The following KNTC1 variants were observed in gnomAD, a reference collection of about 807,000 sequenced individuals.
KNTC1 encodes kinetochore-associated protein 1.
KNTC1 carries 253 observed loss-of-function variants against 314.4 expected under a neutral mutation model. The ratio of observed to expected loss-of-function variants is 0.80; its 90% confidence interval spans 0.73 to 0.89. The LOEUF is 0.89. KNTC1 is among the 40% of genes least tolerant of loss of function. The pLI, the probability that KNTC1 is intolerant of heterozygous loss-of-function variation, is 0.00. For synonymous variants in KNTC1, 901 were observed against 901.4 expected (o/e 1.00, Z 0.01); for missense variants, 2,475 against 2,572.9 (o/e 0.96, Z 0.82).
intron 7 of KNTC1, 117 bp downstream of exon 7, chr12:122,543,751 A>T: frequency 1.6e-6 from 1 of 640,778 alleles, no homozygotes; most frequent in South Asian, 2.4e-5. Flanking sequence ...ATTATGATAT[A>T]ACATTTTAAT....
At chr12:122,533,638 A>C (rs1014169477) in intron 2 of KNTC1, among the ~76,000 whole-genome samples, 1 of 152,192 alleles carries the variant, frequency 6.6e-6, no homozygotes, top group Non-Finnish European at 1.5e-5. Flanking sequence ...TTAAGGCTGC[A>C]GTGAGTTATG....
intron 43 of KNTC1, among the ~76,000 whole-genome samples, chr12:122,596,922 G>A (rs536844331): frequency 2.6e-5 from 4 of 152,142 alleles, no homozygotes; most frequent in African/African-American, 9.6e-5. Flanking sequence ...TTTCTGCTCT[G>A]ATCTTTATTC....
At chr12:122,565,256 A>ATTTTT (rs1565961780) in intron 20 of KNTC1, among the ~76,000 whole-genome samples, 1 of 135,342 alleles carries the variant, frequency 7.4e-6, no homozygotes, top group African/African-American at 2.7e-5. Context: ...TTTTTTTAAA[A>ATTTTT]AAAAAAAAAC....
Position 122,598,421 on chromosome 12 carries a change from C to CTTTTTTTTTTTT in KNTC1, c.4563+489_4563+500dup, listed in dbSNP as rs11395342. Among the ~76,000 whole-genome samples, 25 of 124,254 alleles carry CTTTTTTTTTTTT rather than the reference C, an allele frequency of 2.0e-4. 1 individual carries two copies. Among genetic ancestry groups the CTTTTTTTTTTTT allele is most frequent in the Non-Finnish European group, 2.8e-4 (17 of 61,516 alleles). The allele number at this position is 124,254 out of a possible 152,430, so 81.5% of individuals were successfully genotyped here. Reference sequence around the variant, plus strand: ...GAAATGTCTTTTTTCTTTTTCTTTTCTTTTTTTTTTTTTTTTTGAGACAAG... The same window carrying CTTTTTTTTTTTT: ...GAAATGTCTTTTTTCTTTTTCTTTTCTTTTTTTTTTTTTTTTTTTTTTTTTTTTTGAGACAAG... On this transcript the variant is annotated intron_variant, in intron 44 of 63. Coordinates refer to ENST00000333479, the MANE Select transcript of KNTC1 (RefSeq NM_014708.6).
Position 122,602,926 on chromosome 12 carries a change from G to A in KNTC1, c.4884+39G>A, listed in dbSNP as rs567299717. ...ACATTGTAAGACATTTCTGTATCCT[G>A]CAATTAATTCTGACCCCGTATAGAA... is the stretch of plus-strand genomic sequence containing the variant. On this transcript the variant is annotated intron_variant, in intron 47 of 63. Coordinates refer to ENST00000333479, the MANE Select transcript of KNTC1 (RefSeq NM_014708.6). 3 of 1,556,826 alleles carry A rather than the reference G, an allele frequency of 1.9e-6. No homozygotes were observed. In the African/African-American group the frequency reaches 4.1e-5, roughly 21 times the overall value.
At position 122,596,802 on chromosome 12, in the gene KNTC1, G is replaced by A. The variant is rs138257331; in HGVS notation, c.4356-929G>A. On this transcript the variant is annotated intron_variant, in intron 43 of 63. Coordinates refer to ENST00000333479, the MANE Select transcript of KNTC1 (RefSeq NM_014708.6). ...GACTGCAGTGAGCCTTGATCATGCCGCTGCACTTTAGCCTGGGGAACAGAA... is the reference window on the plus strand; with the variant it reads ...GACTGCAGTGAGCCTTGATCATGCCACTGCACTTTAGCCTGGGGAACAGAA... 3.3e-3 allele frequency among the ~76,000 whole-genome samples: 495 copies of A among 152,118 alleles called. 1 individual carries two copies. The highest frequency in any genetic ancestry group is 7.4e-3 in the African/African-American group (306 of 41,518).
chr12:122,576,993 C>T lies in KNTC1; in HGVS notation c.2685C>T (p.Tyr895=), dbSNP rs565182377. The change falls in exon 30 of 64, where the codon TAC becomes TAT. Residue 895 remains tyrosine, a synonymous_variant. Coordinates refer to ENST00000333479, the MANE Select transcript of KNTC1 (RefSeq NM_014708.6). ...TTATGTTATCTGATGATGAGATCTACAGTCTAAGAATTATTGACCTGATTG... is the reference window on the plus strand; with the variant it reads ...TTATGTTATCTGATGATGAGATCTATAGTCTAAGAATTATTGACCTGATTG... The part of the protein sequence containing the change: ...QAFMLSDDEI[Y]SLRIIDLIDR... 6.3e-7 allele frequency: 1 copy of T among 1,582,006 alleles called. No individual in the cohort carries two copies. Among genetic ancestry groups the T allele is most frequent in the Non-Finnish European group, 8.6e-7 (1 of 1,162,814 alleles).
intron 20 of KNTC1, among the ~76,000 whole-genome samples, 184 bp from the exon 21 acceptor site, chr12:122,568,077 G>T (rs931905420): frequency 2.0e-5 from 3 of 152,190 alleles, no homozygotes; most frequent in African/African-American, 7.2e-5. Flanking sequence ...GAGTTCTAGG[G>T]TCTGAGATAA....
chr12:122,542,889 A>G (rs1000977842), intron 6 of KNTC1, among the ~76,000 whole-genome samples: 1 of 152,074 alleles, frequency 6.6e-6, no homozygotes, highest in Non-Finnish European at 1.5e-5. Flanking sequence ...GGTATTTAAC[A>G]TTTTGTTTTA....
chr12:122,583,151 A>G (rs1565984114), intron 34 of KNTC1, among the ~76,000 whole-genome samples, 166 bp downstream of exon 34: 1 of 152,138 alleles, frequency 6.6e-6, no homozygotes, highest in East Asian at 1.9e-4. Context: ...CTCTACTAAA[A>G]ATACAAAAAA....
intron 52 of KNTC1, among the ~76,000 whole-genome samples, chr12:122,610,017 G>A (rs542687790): frequency 6.6e-6 from 1 of 152,322 alleles, no homozygotes; most frequent in East Asian, 1.9e-4. Flanking sequence ...CCAAAAGTAA[G>A]CCAAGTGGCC....
At chr12:122,592,057 G>A (rs1252312851) in intron 42 of KNTC1, among the ~76,000 whole-genome samples, 3 of 152,224 alleles carry the variant, frequency 2.0e-5, no homozygotes, top group Non-Finnish European at 4.4e-5. Context: ...GGCTGCGCAT[G>A]GCGCTTGCGG....
chr12:122,591,351 G>A lies in KNTC1; in HGVS notation c.4143G>A (p.Val1381=). ...TAATTTTTTAGGCAATATCTCTGGT[G>A]GGCTCTGAGCTGGCAAGTCTCTATC... The part of the protein sequence containing the change: ...NYDKILAISL[V]GSELASLYQE... The change falls in exon 42 of 64, where the codon GTG becomes GTA. Residue 1381 remains valine, a synonymous_variant. Coordinates refer to ENST00000333479, the MANE Select transcript of KNTC1 (RefSeq NM_014708.6). 6.3e-7 allele frequency: 1 copy of A among 1,599,034 alleles called. No homozygotes were observed.
In KNTC1 at chr12:122,569,677, T is replaced by G; in HGVS notation, c.1717-4T>G. The G allele has an allele frequency of 6.2e-7, 1 of 1,607,164 alleles. No homozygotes were observed. Among genetic ancestry groups the G allele is most frequent in the Non-Finnish European group, 8.5e-7 (1 of 1,176,994 alleles). On this transcript the variant is annotated splice_region_variant and splice_polypyrimidine_tract_variant and intron_variant, in intron 21 of 63. Transcript: ENST00000333479. ...ATCTTAATTTCTCGCTCCTTATAAT[T>G]TAGGCAAACTTTGAAAGCAGATTTG...
chr12:122,609,431 G>A lies in KNTC1; in HGVS notation c.5543+1G>A, dbSNP rs1008969808. The A allele has an allele frequency of 2.6e-6, 4 of 1,561,066 alleles. No homozygotes were observed. The highest frequency in any genetic ancestry group is 3.5e-6 in the Non-Finnish European group (4 of 1,144,702). ...TTCAAGAAGATGAAGCCCTACGAAG[G>A]TACTCTTTTCCTTTACTTATATTCA... On this transcript the variant is annotated splice_donor_variant, in intron 52 of 63. Coordinates refer to ENST00000333479, the MANE Select transcript of KNTC1 (RefSeq NM_014708.6). LOFTEE classifies it high-confidence loss of function.
At chr12:122,544,544 T>C (rs1962617817) in intron 8 of KNTC1, among the ~76,000 whole-genome samples, 1 of 152,162 alleles carries the variant, frequency 6.6e-6, no homozygotes, top group Admixed American at 6.6e-5. Flanking sequence ...AAAATTCCAT[T>C]GTTACAGTAC....
intron 51 of KNTC1, among the ~76,000 whole-genome samples, chr12:122,608,534 G>A (rs1163459219): frequency 3.3e-5 from 5 of 152,156 alleles, no homozygotes; most frequent in Non-Finnish European, 7.3e-5. Context: ...AGTGGAAACA[G>A]GAGTTAGAAA....
At chr12:122,588,643 ATATT>A in intron 39 of KNTC1, 65 bp from the exon 40 acceptor site, 1 of 1,132,514 alleles carries the variant, frequency 8.8e-7, no homozygotes, top group Non-Finnish European at 1.2e-6. Context: ...AAGTTCCTTA[ATATT>A]TGAAAAAATT....
At chr12:122,610,064 CT>C (rs1450895486) in intron 52 of KNTC1, among the ~76,000 whole-genome samples, 2 of 152,188 alleles carry the variant, frequency 1.3e-5, no homozygotes, top group Non-Finnish European at 2.9e-5. Flanking sequence ...CCTTGGAGAG[CT>C]GATAGAAAAG....
Sources: allele counts gnomAD v4.1 joint callset (sites outside exome capture counted in the v4.1 genomes callset), GRCh38; gene constraint gnomAD v4.1.1; transcripts MANE v1.5; gene names NCBI Gene and HGNC (gene_info 2026-07-23, HGNC 2026-07-21).